RBM33: variants seen among roughly 807,000 people sequenced by gnomAD.
The protein encoded by RBM33 is RNA binding motif protein 33.
RBM33 carries 28 observed loss-of-function variants against 132.6 expected under a neutral mutation model. The observed-to-expected ratio is 0.21, with a 90% CI of 0.16 to 0.29. The LOEUF (loss-of-function observed/expected upper bound fraction) is 0.29, where lower values mean the gene tolerates loss of function less well. Ranked by LOEUF, RBM33 falls within the 10% of genes least tolerant of loss-of-function variation. The pLI, the probability that RBM33 is intolerant of heterozygous loss-of-function variation, is 1.00. For missense variants in RBM33, 1,291 were observed against 1,518.5 expected (o/e 0.85, Z 2.49); for synonymous variants, 634 against 593.0 (o/e 1.07, Z -1.01).
chr7:155,698,623 C>A (rs1799869686), intron 5 of RBM33, among the ~76,000 whole-genome samples: 3 of 152,272 alleles, frequency 2.0e-5, no homozygotes, highest in Middle Eastern at 3.4e-3. Context: ...AGATTTGGAC[C>A]AGAAGTTTGC....
rs750016461 is a variant in RBM33, at chr7:155,711,292, G to C, written c.1038G>C (p.Pro346=). 4 of 1,605,926 alleles carry C rather than the reference G, an allele frequency of 2.5e-6. No homozygotes were observed. In the South Asian group the frequency reaches 3.3e-5, roughly 13 times the overall value. Residue 346 remains proline, a synonymous_variant, in exon 8 of 18, where the codon CCG becomes CCC. Transcript: ENST00000401878. ...FQPQPLQPLL[P]VQHPHHPSPP... is the part of the protein sequence containing the mutation. ...CGCAGCCGCTGCAGCCGCTGCTTCC[G>C]GTGCAGCACCCGCACCACCCATCCC...
At chr7:155,649,506 G>C (rs1296116334) in intron 1 of RBM33, among the ~76,000 whole-genome samples, 3 of 152,174 alleles carry the variant, frequency 2.0e-5, no homozygotes, top group Admixed American at 6.5e-5. Flanking sequence ...CTGTGTAACT[G>C]ATTAAATCAT....
intron 1 of RBM33, among the ~76,000 whole-genome samples, chr7:155,651,131 G>A (rs1798343151): frequency 6.6e-6 from 1 of 152,158 alleles, no homozygotes; most frequent in Admixed American, 6.5e-5. Context: ...GCCCGCCTCG[G>A]CCTCCCAAAG....
chr7:155,735,054 C>T (rs760639573), intron 9 of RBM33, among the ~76,000 whole-genome samples: 6 of 152,122 alleles, frequency 3.9e-5, no homozygotes, highest in Non-Finnish European at 5.9e-5. Flanking sequence ...TTGCAAACAT[C>T]GTAAGTTGGA....
intron 1 of RBM33, among the ~76,000 whole-genome samples, chr7:155,651,401 A>G (rs1177954641): frequency 6.6e-6 from 1 of 151,948 alleles, no homozygotes; most frequent in Non-Finnish European, 1.5e-5. Context: ...ATCATTTTTT[A>G]TGTGACCTTT....
intron 11 of RBM33, 101 bp downstream of exon 11, chr7:155,738,504 T>G (rs1338538444): frequency 8.5e-7 from 1 of 1,172,170 alleles, no homozygotes; most frequent in East Asian, 2.5e-5. Context: ...TAATTTGTGG[T>G]TATTTAAAGA....
intron 15 of RBM33, 70 bp downstream of exon 15, chr7:155,764,088 T>G: frequency 8.1e-7 from 1 of 1,239,088 alleles, no homozygotes; most frequent in Non-Finnish European, 1.1e-6. Flanking sequence ...TCAGACGTGC[T>G]CTAATTTGTA....
intron 8 of RBM33, among the ~76,000 whole-genome samples, chr7:155,717,170 C>T (rs536012122): frequency 2.0e-4 from 30 of 152,272 alleles, no homozygotes; most frequent in Non-Finnish European, 3.4e-4. Flanking sequence ...CTGATGTGTA[C>T]GAGTTTGCTG....
chr7:155,764,167 C>T (rs1238063194), intron 15 of RBM33, 149 bp downstream of exon 15: 4 of 716,992 alleles, frequency 5.6e-6, no homozygotes, highest in African/African-American at 3.7e-5. Flanking sequence ...GCTTTGAAAA[C>T]GCGTTAACAT....
chr7:155,733,495 A>G (rs1389841959), intron 9 of RBM33, among the ~76,000 whole-genome samples: 3 of 88,286 alleles, frequency 3.4e-5, no homozygotes, highest in Non-Finnish European at 6.8e-5. Context: ...CATAAGTTTT[A>G]GCTTCCTCAC....
chr7:155,767,058 A>C (rs887716351), intron 16 of RBM33, among the ~76,000 whole-genome samples: 3 of 152,236 alleles, frequency 2.0e-5, no homozygotes, highest in Admixed American at 2.0e-4. Flanking sequence ...TTCATGTGCT[A>C]AATAGCTGTG....
chr7:155,677,955 G>C (rs2116919311), intron 3 of RBM33, among the ~76,000 whole-genome samples: 1 of 152,228 alleles, frequency 6.6e-6, no homozygotes, highest in East Asian at 1.9e-4. Flanking sequence ...TAGTGAGACA[G>C]TGTGAATAAC....
Position 155,780,786 on chromosome 7 carries a change from C to CATCA in RBM33, c.*5746_*5749dup, listed in dbSNP as rs1554490949. On this transcript the variant is annotated 3_prime_UTR_variant, in exon 18 of 18. Coordinates refer to ENST00000401878, the MANE Select transcript of RBM33 (RefSeq NM_053043.3). ...GATTTTCACACTGTGTTTACCACTC[C>CATCA]ATCACCTCTCAACCTTTGCTTCGAC... 1 of 152,488 alleles carries CATCA rather than the reference C, an allele frequency of 6.6e-6. No individual in the cohort carries two copies. Among genetic ancestry groups the CATCA allele is most frequent in the Non-Finnish European group, 1.5e-5 (1 of 68,080 alleles). The allele number at this position is 152,488 out of a possible 1,614,324, so 9.4% of individuals were successfully genotyped here.
rs114838576 is a variant in RBM33 at position 155,681,253 on chromosome 7, T to G, written c.567+345T>G. ...TGGCTTTAGACAAGATCTGATAAAG[T>G]CCTTCTAAGGCGAAAAGATTATTGA... On this transcript the variant is annotated intron_variant, in intron 5 of 17. Coordinates refer to ENST00000401878, the MANE Select transcript of RBM33 (RefSeq NM_053043.3). Among the ~76,000 whole-genome samples the G allele has an allele frequency of 3.5e-3, 531 of 152,354 alleles. 4 individuals are homozygous for G. The highest frequency in any genetic ancestry group is 0.012 in the African/African-American group (502 of 41,590).
intron 16 of RBM33, among the ~76,000 whole-genome samples, chr7:155,772,045 ATT>A (rs1802443251): frequency 6.6e-6 from 1 of 152,194 alleles, no homozygotes; most frequent in Non-Finnish European, 1.5e-5. Flanking sequence ...TAATGAAGGA[ATT>A]TTTATATTTT....
rs551957546 is a variant in RBM33, at chr7:155,773,616, G to A, written c.3376-943G>A. On this transcript the variant is annotated intron_variant, in intron 16 of 17. Coordinates refer to ENST00000401878, the MANE Select transcript of RBM33 (RefSeq NM_053043.3). ...AAAAAGGAGTCAGGGGCTCCTGTGC[G>A]TGCTCCAGACAGCAGGTACTAAGTT... 6.8e-5 allele frequency among the ~76,000 whole-genome samples: 10 copies of A among 147,876 alleles called. 1 individual carries two copies. Among genetic ancestry groups the A allele is most frequent in the Admixed American group, 2.0e-4 (3 of 14,940 alleles).
At chr7:155,772,431 T>C (rs1802462196) in intron 16 of RBM33, among the ~76,000 whole-genome samples, 1 of 152,124 alleles carries the variant, frequency 6.6e-6, no homozygotes, top group South Asian at 2.1e-4. Flanking sequence ...CACAGGCTAA[T>C]ACACAAAAGG....
chr7:155,673,582 GTA>G (rs766279371), intron 3 of RBM33, among the ~76,000 whole-genome samples: 1,034 of 69,968 alleles, frequency 0.015, 119 homozygotes, highest in African/African-American at 0.047. Context: ...ATACACACGT[GTA>G]TATATATATA....
intron 9 of RBM33, among the ~76,000 whole-genome samples, chr7:155,734,149 T>C (rs762661885): frequency 3.9e-5 from 6 of 152,238 alleles, no homozygotes; most frequent in Admixed American, 2.0e-4. Context: ...ACAGACCCAC[T>C]CTTTGTGAGT....
Sources: allele counts gnomAD v4.1 joint callset (sites outside exome capture counted in the v4.1 genomes callset), GRCh38; gene constraint gnomAD v4.1.1; transcripts MANE v1.5; gene names NCBI Gene and HGNC (gene_info 2026-07-23, HGNC 2026-07-21).